Variants in LRCH1 observed in about 807,000 individuals in gnomAD.
LRCH1 encodes the protein leucine rich repeats and calponin homology domain containing 1.
LRCH1 carries 23 observed loss-of-function variants against 94.9 expected under a neutral mutation model. That is an observed-to-expected ratio of 0.24 (90% CI 0.17 to 0.34). The LOEUF (loss-of-function observed/expected upper bound fraction) is 0.34. LRCH1 is among the 10% of genes least tolerant of loss of function. The pLI, the probability that LRCH1 is intolerant of heterozygous loss-of-function variation, is 1.00. For missense variants in LRCH1, 790 were observed against 945.9 expected, an observed-to-expected ratio of 0.84 and a Z score of 2.16; for synonymous variants, 364 against 354.9, an observed-to-expected ratio of 1.03 and a Z score of -0.29.
At chr13:46,618,378 A>G (rs550549512) in intron 1 of LRCH1, among the ~76,000 whole-genome samples, 9 of 152,246 alleles carry the variant, frequency 5.9e-5, no homozygotes, top group Non-Finnish European at 1.2e-4. Context: ...TTACGCAACC[A>G]CCACTGCATG....
intron 1 of LRCH1, among the ~76,000 whole-genome samples, chr13:46,575,301 A>G (rs2050290993): frequency 6.6e-6 from 1 of 152,058 alleles, no homozygotes; most frequent in Non-Finnish European, 1.5e-5. Flanking sequence ...CCAGACATTG[A>G]TGAAGATAGT....
At chr13:46,579,165 C>A (rs1313670646) in intron 1 of LRCH1, among the ~76,000 whole-genome samples, 1 of 152,172 alleles carries the variant, frequency 6.6e-6, no homozygotes, top group African/African-American at 2.4e-5. Context: ...CTGGTCCAGT[C>A]CCTCGTCTAA....
chr13:46,659,248 A>G (rs1363219211), intron 2 of LRCH1, among the ~76,000 whole-genome samples: 1 of 152,034 alleles, frequency 6.6e-6, no homozygotes, highest in Non-Finnish European at 1.5e-5. Context: ...GCTGGAGTGC[A>G]GTGGCATGAT....
At chr13:46,635,467 C>CTTTTTTTT (rs35362550) in intron 1 of LRCH1, among the ~76,000 whole-genome samples, 3 of 96,634 alleles carry the variant, frequency 3.1e-5, no homozygotes, top group African/African-American at 8.6e-5. Flanking sequence ...CCCCTCCCAC[C>CTTTTTTTT]TTTTTTTTTT....
chr13:46,553,204 A>C lies in LRCH1; in HGVS notation c.-193A>C. ...AGCTTCCCGGGGACAGGAAACCTTCAAGACCGAGCTGCCACGGCCGCCTCC... is the reference window on the plus strand; with the variant it reads ...AGCTTCCCGGGGACAGGAAACCTTCCAGACCGAGCTGCCACGGCCGCCTCC... On this transcript the variant is annotated 5_prime_UTR_variant, in exon 1 of 20. Transcript: ENST00000389797. 1.8e-6 allele frequency: 1 copy of C among 570,612 alleles called. No individual in the cohort carries two copies. Among genetic ancestry groups the C allele is most frequent in the Non-Finnish European group, 3.1e-6 (1 of 325,504 alleles). The allele number at this position is 570,612 out of a possible 1,614,324, so 35.3% of individuals were successfully genotyped here. A position where few individuals can be genotyped will look rare whatever the true frequency, so the allele number is the denominator to read the frequency against.
intron 1 of LRCH1, among the ~76,000 whole-genome samples, chr13:46,623,195 T>C (rs2050900477): frequency 6.6e-6 from 1 of 152,166 alleles, no homozygotes; most frequent in Non-Finnish European, 1.5e-5. Flanking sequence ...CTGGTGTGTT[T>C]AGTGCAATCC....
At chr13:46,568,798 TGTC>T (rs1475491470) in intron 1 of LRCH1, among the ~76,000 whole-genome samples, 14 of 152,310 alleles carry the variant, frequency 9.2e-5, no homozygotes, top group African/African-American at 3.1e-4. Flanking sequence ...TGTATGTATT[TGTC>T]AGAACTCAGT....
chr13:46,594,344 C>T (rs1460175156), intron 1 of LRCH1, among the ~76,000 whole-genome samples: 2 of 152,012 alleles, frequency 1.3e-5, no homozygotes, highest in Admixed American at 6.6e-5. Context: ...ATACTACTTG[C>T]TGATGAGGTT....
intron 1 of LRCH1, among the ~76,000 whole-genome samples, chr13:46,605,990 G>C (rs1043751172): frequency 2.0e-5 from 3 of 152,154 alleles, no homozygotes; most frequent in Non-Finnish European, 4.4e-5. Context: ...ACTTCTCCAA[G>C]GTCACACAGT....
intron 8 of LRCH1, among the ~76,000 whole-genome samples, chr13:46,693,094 C>T (rs1870994007): frequency 6.6e-6 from 1 of 151,812 alleles, no homozygotes; most frequent in Non-Finnish European, 1.5e-5. Context: ...GCCTCAGCCT[C>T]CCGAGTAGCT....
At position 46,650,363 on chromosome 13, in the gene LRCH1, G is replaced by A. The variant is rs2051276912; in HGVS notation, c.452+18G>A. On this transcript the variant is annotated intron_variant, in intron 2 of 19. Transcript: ENST00000389797. ...AACTTGAGGTAGGTTAAACATAAAA[G>A]TTGTAATCAAATTCAGTGAAAGAAA... 3 of 1,540,612 alleles carry A rather than the reference G, an allele frequency of 1.9e-6. No individual in the cohort carries two copies. Among genetic ancestry groups the A allele is most frequent in the Non-Finnish European group, 2.6e-6 (3 of 1,143,400 alleles).
chr13:46,565,802 T>G (rs1281244652), intron 1 of LRCH1, among the ~76,000 whole-genome samples: 1 of 118,420 alleles, frequency 8.4e-6, no homozygotes, highest in East Asian at 2.6e-4. Context: ...AGAATGAGAC[T>G]CTGTCTCCAA....
downstream of LRCH1, among the ~76,000 whole-genome samples, chr13:46,746,548 C>T (rs1433705324): frequency 1.3e-5 from 2 of 152,168 alleles, no homozygotes; most frequent in Non-Finnish European, 2.9e-5. Flanking sequence ...CAAAAAAAGC[C>T]CATGGGCAAA....
chr13:46,661,705 A>G (rs1289385055), intron 2 of LRCH1, among the ~76,000 whole-genome samples: 2 of 152,262 alleles, frequency 1.3e-5, no homozygotes, highest in African/African-American at 2.4e-5. Context: ...ACTAATATCC[A>G]TGCATGTTCC....
chr13:46,702,928 G>A (rs1050102454), intron 11 of LRCH1, among the ~76,000 whole-genome samples: 10 of 152,174 alleles, frequency 6.6e-5, no homozygotes, highest in African/African-American at 2.2e-4. Context: ...TGATGCAGGC[G>A]ATGGCTTTGG....
At position 46,564,158 on chromosome 13, in the gene LRCH1, A is replaced by C. The variant is rs182523504; in HGVS notation, c.307+10455A>C. On this transcript the variant is annotated intron_variant, in intron 1 of 19. Transcript: ENST00000389797. ...GAGGGACATGCACAGGCCTCTTGTC[A>C]ACTGGATTCCACATACTAAAGGAGT... 3.8e-3 allele frequency among the ~76,000 whole-genome samples: 585 copies of C among 152,332 alleles called. 4 individuals carry two copies. Among genetic ancestry groups the C allele is most frequent in the South Asian group, 0.026 (126 of 4,820 alleles).
chr13:46,701,019 T>G, intron 10 of LRCH1, 102 bp from the exon 11 acceptor site: 1 of 736,870 alleles, frequency 1.4e-6, no homozygotes, highest in Admixed American at 2.2e-5. Flanking sequence ...GAAATCATTT[T>G]CATATGTTAG....
chr13:46,553,242 C>CCAAATA lies in LRCH1; in HGVS notation c.-155_-154insCAAATA. The CCAAATA allele has an allele frequency of 5.3e-6, 3 of 568,646 alleles. No individual in the cohort carries two copies. Among genetic ancestry groups the CCAAATA allele is most frequent in the Admixed American group, 3.2e-5 (1 of 31,084 alleles). 35.2% of individuals were successfully genotyped at this position (568,646 alleles called of 1,614,324 possible). ...CACGGCCGCCTCCCCGCCCGCCCCC[C>CCAAATA]ATTCTACGCGCCTGCCCACACCCTC... On this transcript the variant is annotated 5_prime_UTR_variant, in exon 1 of 20. Transcript: ENST00000389797.
intron 3 of LRCH1, among the ~76,000 whole-genome samples, chr13:46,681,061 G>T (rs1446696570): frequency 6.6e-6 from 1 of 152,206 alleles, no homozygotes; most frequent in Non-Finnish European, 1.5e-5. Flanking sequence ...TTTCTCATGT[G>T]TCAAGAGGGG....
Sources: allele counts gnomAD v4.1 joint callset (sites outside exome capture counted in the v4.1 genomes callset), GRCh38; gene constraint gnomAD v4.1.1; transcripts MANE v1.5; gene names NCBI Gene and HGNC (gene_info 2026-07-23, HGNC 2026-07-21).